Variants in ARFGAP3 observed in about 807,000 individuals in gnomAD.
ARFGAP3 encodes ARF GTPase activating protein 3.
Under a neutral mutation model 75.0 loss-of-function variants are expected in ARFGAP3, and 72 were observed. The observed-to-expected ratio is 0.96, with a 90% CI of 0.79 to 1.17. The LOEUF (loss-of-function observed/expected upper bound fraction) is 1.17. Among genes scored for constraint, ARFGAP3 ranks in the 50% most tolerant of loss-of-function variants. ARFGAP3 has a pLI of 0.00. For synonymous variants in ARFGAP3, 221 were observed against 217.9 expected, an observed-to-expected ratio of 1.01 and a Z score of -0.13; for missense variants, 620 against 626.6, an observed-to-expected ratio of 0.99 and a Z score of 0.11.
chr22:42,803,897 CCTCTT>C (rs1924992817), intron 14 of ARFGAP3, among the ~76,000 whole-genome samples: 1 of 145,492 alleles, frequency 6.9e-6, no homozygotes. Context: ...CTCCCTCCTT[CCTCTT>C]TTTTTTTTTT....
chr22:42,806,838 T>C (rs1392901382), intron 14 of ARFGAP3, among the ~76,000 whole-genome samples: 1 of 152,228 alleles, frequency 6.6e-6, no homozygotes, highest in Non-Finnish European at 1.5e-5. Context: ...TCTATGACAG[T>C]GTTCAGAAGG....
chr22:42,807,008 A>G (rs1447672376), intron 14 of ARFGAP3, 65 bp downstream of exon 14: 1 of 1,450,202 alleles, frequency 6.9e-7, no homozygotes, highest in Non-Finnish European at 9.3e-7. Flanking sequence ...AAACAGTCCT[A>G]TCCAGATGAA....
At chr22:42,838,285 T>TAC (rs1926620767) in intron 3 of ARFGAP3, among the ~76,000 whole-genome samples, 1 of 127,642 alleles carries the variant, frequency 7.8e-6, no homozygotes, top group Non-Finnish European at 1.6e-5. Flanking sequence ...CATATATATA[T>TAC]ATATATTTTT....
intron 15 of ARFGAP3, among the ~76,000 whole-genome samples, chr22:42,798,334 C>T (rs1423300328): frequency 6.6e-6 from 1 of 152,246 alleles, no homozygotes; most frequent in South Asian, 2.1e-4. Context: ...GACCAGGAAT[C>T]TCCTTTGGAG....
At chr22:42,847,062 G>A (rs1213437736) in intron 2 of ARFGAP3, among the ~76,000 whole-genome samples, 1 of 152,042 alleles carries the variant, frequency 6.6e-6, no homozygotes, top group African/African-American at 2.4e-5. Context: ...CTATAAAGCC[G>A]CTTACATGAT....
chr22:42,807,284 G>A, intron 13 of ARFGAP3, 121 bp from the exon 14 acceptor site: 1 of 1,450,894 alleles, frequency 6.9e-7, no homozygotes, highest in Non-Finnish European at 9.1e-7. Context: ...CTTTCCAACA[G>A]TTACTGAATG....
intron 4 of ARFGAP3, 109 bp from the exon 5 acceptor site, chr22:42,834,434 T>G: frequency 6.7e-7 from 1 of 1,502,848 alleles, no homozygotes; most frequent in South Asian, 1.4e-5. Context: ...ATTGGTGCTT[T>G]CCATTCTTAT....
At chr22:42,843,086 ACCC>A (rs1176808558) in intron 2 of ARFGAP3, among the ~76,000 whole-genome samples, 1 of 150,150 alleles carries the variant, frequency 6.7e-6, no homozygotes, top group Non-Finnish European at 1.5e-5. Context: ...CCTCCCCCCG[ACCC>A]CCCAACCACA....
intron 11 of ARFGAP3, 167 bp from the exon 12 acceptor site, chr22:42,811,111 G>C (rs1191466357): frequency 1.5e-6 from 1 of 657,592 alleles, no homozygotes; most frequent in African/African-American, 2.0e-5. Context: ...TCATTTCCAA[G>C]GCCTTTCAAG....
chr22:42,844,599 A>AC (rs1321465184), intron 2 of ARFGAP3, among the ~76,000 whole-genome samples: 1 of 110,178 alleles, frequency 9.1e-6, no homozygotes, highest in African/African-American at 4.3e-5. Context: ...GAAAAAAAAA[A>AC]AAAAAAAATA....
chr22:42,852,591 G>C (rs914304109), intron 1 of ARFGAP3, among the ~76,000 whole-genome samples: 7 of 151,674 alleles, frequency 4.6e-5, no homozygotes, highest in African/African-American at 1.7e-4. Flanking sequence ...GAACTCCTGA[G>C]CTCAGATGAT....
At chr22:42,813,258 C>A (rs1925445589) in intron 11 of ARFGAP3, among the ~76,000 whole-genome samples, 1 of 152,116 alleles carries the variant, frequency 6.6e-6, no homozygotes, top group Non-Finnish European at 1.5e-5. Flanking sequence ...AATGCAGAAG[C>A]CTCAGAAGCT....
Position 42,834,255 on chromosome 22 carries a change from T to A in ARFGAP3, c.464A>T (p.His155Leu), listed in dbSNP as rs1926423229. The change falls in exon 5 of 16, where the codon CAC becomes CTC. Residue 155 changes from histidine to leucine, a missense_variant. Coordinates refer to ENST00000263245, the MANE Select transcript of ARFGAP3 (RefSeq NM_014570.5). ...PPKEEDFFAS[H>L]VSPEVSDTAW... The stretch of plus-strand genomic sequence containing the variant: ...CATAATACATACCTCAGGAGAAACG[T>A]GAGAGGCAAAAAAATCTTCCTCCTT... 2 of 1,613,836 alleles carry A rather than the reference T, an allele frequency of 1.2e-6. No homozygotes were observed. Among genetic ancestry groups the A allele is most frequent in the South Asian group, 2.2e-5 (2 of 91,050 alleles).
rs111587851 is a variant in ARFGAP3 at position 42,799,235 on chromosome 22, C to G, written c.1412-75G>C. ...CGGCAAACCCAGTACCCAGAGTGCT[C>G]AACGGCTCCAGAGAACCCGGATCTC... is the stretch of plus-strand genomic sequence containing the variant. On this transcript the variant is annotated intron_variant, in intron 14 of 15. Transcript: ENST00000263245. The G allele has an allele frequency of 2.2e-5, 35 of 1,579,838 alleles. 3 individuals are homozygous for G. In the African/African-American group the frequency reaches 3.2e-4, roughly 15 times the overall value.
chr22:42,826,255 G>A (rs1926032320), intron 7 of ARFGAP3, among the ~76,000 whole-genome samples: 1 of 152,104 alleles, frequency 6.6e-6, no homozygotes, highest in African/African-American at 2.4e-5. Context: ...AAGAAAATGA[G>A]TTCTTGAGTA....
intron 7 of ARFGAP3, among the ~76,000 whole-genome samples, chr22:42,824,059 C>T (rs116477193): frequency 0.018 from 2,634 of 148,504 alleles, 90 homozygotes; most frequent in African/African-American, 0.063. Flanking sequence ...GACAGGGTCT[C>T]GCTCTGTCAC....
chr22:42,842,980 G>A (rs1415398922), intron 2 of ARFGAP3, among the ~76,000 whole-genome samples: 1 of 152,034 alleles, frequency 6.6e-6, no homozygotes, highest in Non-Finnish European at 1.5e-5. Flanking sequence ...TGTACGGCAG[G>A]TCCTAGTATT....
chr22:42,846,244 C>G (rs1183591135), intron 2 of ARFGAP3, among the ~76,000 whole-genome samples: 1 of 152,188 alleles, frequency 6.6e-6, no homozygotes, highest in Non-Finnish European at 1.5e-5. Context: ...TGGAAATTGT[C>G]TGGGGGAGGC....
In ARFGAP3 at chr22:42,831,560, T is replaced by C. The variant is rs1388659408; in HGVS notation, c.554A>G (p.Glu185Gly). ...TCTAAGGACTCCACCTTCATTATTT[T>C]CCAAAGTGGTTTCCACAGGCCTTGA... ...LTSRPVETTLENNEGGQEQGP... is the reference protein window; with the variant it reads ...LTSRPVETTLGNNEGGQEQGP... Residue 185 changes from glutamate to glycine, a missense_variant, in exon 6 of 16, where the codon GAA becomes GGA. Glu to Gly is a moderately conservative substitution (Grantham distance 98). Coordinates refer to ENST00000263245, the MANE Select transcript of ARFGAP3 (RefSeq NM_014570.5). 3 of 1,613,946 alleles carry C rather than the reference T, an allele frequency of 1.9e-6. No individual in the cohort carries two copies. Among genetic ancestry groups the C allele is most frequent in the East Asian group, 4.5e-5 (2 of 44,846 alleles).
Sources: gnomAD v4.1 joint callset for allele counts (sites outside exome capture counted in the v4.1 genomes callset) on GRCh38, gnomAD v4.1.1 for gene constraint, MANE v1.5 for transcripts, NCBI Gene and HGNC (gene_info 2026-07-23, HGNC 2026-07-21) for gene names.